The following MARCHF1 variants were observed in gnomAD, a reference collection of about 807,000 sequenced individuals.
MARCHF1 encodes the protein E3 ubiquitin-protein ligase MARCHF1.
Under a neutral mutation model 54.2 loss-of-function variants are expected in MARCHF1, and 40 were observed. The observed-to-expected ratio is 0.74, with a 90% CI of 0.57 to 0.96. The LOEUF (loss-of-function observed/expected upper bound fraction) is 0.96, where lower values mean the gene tolerates loss of function less well. Ranked by LOEUF, MARCHF1 falls within the 40% of genes least tolerant of loss-of-function variation. MARCHF1 has a pLI of 0.00. For synonymous variants in MARCHF1, 236 were observed against 236.3 expected, an observed-to-expected ratio of 1.00 and a Z score of 0.01; for missense variants, 586 against 656.5, an observed-to-expected ratio of 0.89 and a Z score of 1.17.
intron 3 of MARCHF1, among the ~76,000 whole-genome samples, chr4:163,880,645 G>A (rs1377323612): frequency 6.6e-6 from 1 of 151,898 alleles, no homozygotes; most frequent in Non-Finnish European, 1.5e-5. Context: ...TATGAAGTAG[G>A]AAGGTTTTAT....
intron 3 of MARCHF1, among the ~76,000 whole-genome samples, chr4:163,859,434 A>G (rs1579346495): frequency 6.8e-6 from 1 of 146,608 alleles, no homozygotes; most frequent in South Asian, 2.1e-4. Flanking sequence ...ATCTTGGCTC[A>G]CTGCAACCTC....
intron 1 of MARCHF1, among the ~76,000 whole-genome samples, chr4:164,256,088 G>A (rs1180049814): frequency 6.6e-6 from 1 of 151,404 alleles, no homozygotes; most frequent in Non-Finnish European, 1.5e-5. Flanking sequence ...GCTAGAAATT[G>A]GTGACCAGCC....
At chr4:163,594,231 G>T (rs1740682815) in intron 7 of MARCHF1, among the ~76,000 whole-genome samples, 1 of 152,102 alleles carries the variant, frequency 6.6e-6, no homozygotes, top group African/African-American at 2.4e-5. Context: ...AGGCATAGAA[G>T]ATGTTTTCAG....
chr4:164,043,192 C>T (rs1193381647), intron 2 of MARCHF1, among the ~76,000 whole-genome samples: 2 of 152,170 alleles, frequency 1.3e-5, no homozygotes, highest in Admixed American at 1.3e-4. Flanking sequence ...ATGGGGGCTC[C>T]AACACCATAT....
chr4:164,293,700 T>A (rs1015418504), intron 1 of MARCHF1, among the ~76,000 whole-genome samples: 1 of 152,250 alleles, frequency 6.6e-6, no homozygotes, highest in East Asian at 1.9e-4. Context: ...CACTTAAAAT[T>A]GCTAGCACAT....
rs114774588 is a variant in MARCHF1 at position 164,377,303 on chromosome 4, C to T, written c.-323+6567G>A. 3.5e-3 allele frequency among the ~76,000 whole-genome samples: 540 copies of T among 152,230 alleles called. 1 individual carries two copies. The highest frequency in any genetic ancestry group is 0.012 in the African/African-American group (517 of 41,534). On this transcript the variant is annotated intron_variant, in intron 1 of 9. Coordinates refer to ENST00000514618, the MANE Select transcript of MARCHF1 (RefSeq NM_001394959.1). ...GTATAACCTGAATTAACTATATTTC[C>T]GTGAATTGGTCTAGAAATACGTTCT... is the stretch of plus-strand genomic sequence containing the variant.
At chr4:163,569,213 G>C (rs1739749311) in intron 8 of MARCHF1, among the ~76,000 whole-genome samples, 1 of 152,104 alleles carries the variant, frequency 6.6e-6, no homozygotes, top group Non-Finnish European at 1.5e-5. Context: ...TGGCTTCAAT[G>C]TGCACAGCTT....
At chr4:163,717,586 T>C (rs1324168737) in intron 4 of MARCHF1, among the ~76,000 whole-genome samples, 2 of 152,144 alleles carry the variant, frequency 1.3e-5, no homozygotes, top group Non-Finnish European at 2.9e-5. Context: ...ACTTCCACAA[T>C]GGTTGAACTA....
intron 5 of MARCHF1, among the ~76,000 whole-genome samples, chr4:163,642,474 C>T (rs887328138): frequency 2.6e-5 from 4 of 152,126 alleles, no homozygotes; most frequent in East Asian, 3.8e-4. Context: ...AAAGTCACTT[C>T]GGTTCTGGGT....
At chr4:163,747,351 T>A (rs1561055477) in intron 4 of MARCHF1, among the ~76,000 whole-genome samples, 1 of 152,164 alleles carries the variant, frequency 6.6e-6, no homozygotes, top group Non-Finnish European at 1.5e-5. Context: ...CAAATATAAA[T>A]TTTCTCTGAT....
At chr4:164,319,631 C>A (rs763375955) in intron 1 of MARCHF1, among the ~76,000 whole-genome samples, 3 of 152,046 alleles carry the variant, frequency 2.0e-5, no homozygotes, top group Admixed American at 6.5e-5. Flanking sequence ...AATACTGTAT[C>A]TCATGTTTGA....
chr4:163,544,566 G>C (rs1738830953), intron 9 of MARCHF1, among the ~76,000 whole-genome samples: 1 of 152,162 alleles, frequency 6.6e-6, no homozygotes, highest in Non-Finnish European at 1.5e-5. Context: ...GGTGCACGCT[G>C]GCGTGTGCTG....
At chr4:164,127,253 T>G (rs1270542484) in intron 1 of MARCHF1, among the ~76,000 whole-genome samples, 1 of 152,136 alleles carries the variant, frequency 6.6e-6, no homozygotes, top group African/African-American at 2.4e-5. Context: ...TAAGCAAAGT[T>G]TTGAAGGTGT....
chr4:163,685,732 G>A (rs1744248486), intron 5 of MARCHF1, among the ~76,000 whole-genome samples: 1 of 152,196 alleles, frequency 6.6e-6, no homozygotes, highest in Admixed American at 6.5e-5. Context: ...GGGATTACAG[G>A]AGTGAGCCAC....
chr4:164,206,919 C>T (rs1359490442), intron 1 of MARCHF1, among the ~76,000 whole-genome samples: 1 of 151,778 alleles, frequency 6.6e-6, no homozygotes, highest in Non-Finnish European at 1.5e-5. Flanking sequence ...TTATAATTAA[C>T]AAGTATGATA....
chr4:163,747,240 C>T lies in MARCHF1; in HGVS notation c.112-46377G>A, dbSNP rs984327664. On this transcript the variant is annotated intron_variant, in intron 4 of 9. Coordinates refer to ENST00000514618, the MANE Select transcript of MARCHF1 (RefSeq NM_001394959.1). Reference sequence around the variant, plus strand: ...CTCCTTTGAGAATTTGTAACTATTGCCAGCCTGAATCTACATTAGCTGACT... The same window carrying T: ...CTCCTTTGAGAATTTGTAACTATTGTCAGCCTGAATCTACATTAGCTGACT... 1.4e-4 allele frequency among the ~76,000 whole-genome samples: 22 copies of T among 152,250 alleles called. No individual in the cohort carries two copies. In the South Asian group the frequency reaches 1.7e-3, roughly 11 times the overall value.
chr4:163,588,047 G>T (rs1740467650), intron 7 of MARCHF1, among the ~76,000 whole-genome samples: 2 of 152,056 alleles, frequency 1.3e-5, no homozygotes, highest in African/African-American at 4.8e-5. Context: ...AAACAGTATG[G>T]CAGACTACAC....
At chr4:164,136,591 G>A (rs1005848865) in intron 1 of MARCHF1, among the ~76,000 whole-genome samples, 1 of 152,166 alleles carries the variant, frequency 6.6e-6, no homozygotes, top group Non-Finnish European at 1.5e-5. Context: ...ACTTAACAAA[G>A]AGCTGTGTAT....
chr4:163,625,305 T>G (rs1741831003), intron 5 of MARCHF1, among the ~76,000 whole-genome samples: 1 of 152,226 alleles, frequency 6.6e-6, no homozygotes, highest in Non-Finnish European at 1.5e-5. Context: ...TTTTATCACC[T>G]GTATTACTGT....
Sources: allele counts gnomAD v4.1 joint callset (sites outside exome capture counted in the v4.1 genomes callset), GRCh38; gene constraint gnomAD v4.1.1; transcripts MANE v1.5; gene names NCBI Gene and HGNC (gene_info 2026-07-23, HGNC 2026-07-21).